NFIA: variants seen among roughly 807,000 people sequenced by gnomAD.
The protein encoded by NFIA is nuclear factor 1 A-type.
Under a neutral mutation model 62.8 loss-of-function variants are expected in NFIA, and 8 were observed. The observed-to-expected ratio is 0.13, with a 90% CI of 0.07 to 0.23. The LOEUF (loss-of-function observed/expected upper bound fraction) is 0.23, where lower values mean the gene tolerates loss of function less well. NFIA is among the 10% of genes least tolerant of loss of function. NFIA has a pLI of 1.00. For synonymous variants in NFIA, 235 were observed against 238.1 expected, an observed-to-expected ratio of 0.99 and a Z score of 0.12; for missense variants, 410 against 642.1, an observed-to-expected ratio of 0.64 and a Z score of 3.91.
At chr1:61,360,233 A>G (rs146212781) in intron 6 of NFIA, among the ~76,000 whole-genome samples, 3 of 152,194 alleles carry the variant, frequency 2.0e-5, no homozygotes, top group African/African-American at 7.2e-5. Flanking sequence ...GATTGCAAAA[A>G]CTATTTGAAA....
At chr1:61,190,983 T>G (rs1239999802) in intron 2 of NFIA, among the ~76,000 whole-genome samples, 1 of 152,086 alleles carries the variant, frequency 6.6e-6, no homozygotes, top group African/African-American at 2.4e-5. Context: ...CAGACATGGG[T>G]TTTGACACCA....
intron 2 of NFIA, among the ~76,000 whole-genome samples, chr1:61,112,040 A>G (rs1033514478): frequency 6.6e-6 from 1 of 152,100 alleles, no homozygotes; most frequent in Non-Finnish European, 1.5e-5. Flanking sequence ...TACACTAATT[A>G]ACATCTCATT....
At chr1:61,315,402 A>G (rs1011360373) in intron 3 of NFIA, among the ~76,000 whole-genome samples, 1 of 152,232 alleles carries the variant, frequency 6.6e-6, no homozygotes, top group Non-Finnish European at 1.5e-5. Flanking sequence ...ATACATGCAT[A>G]AACATGGTAC....
At chr1:61,266,321 T>C (rs1382512317) in intron 2 of NFIA, among the ~76,000 whole-genome samples, 1 of 152,170 alleles carries the variant, frequency 6.6e-6, no homozygotes, top group South Asian at 2.1e-4. Flanking sequence ...AGAGACCCTA[T>C]TGTATTTTAT....
chr1:61,399,642 A>G (rs1418874254), intron 7 of NFIA, among the ~76,000 whole-genome samples: 1 of 152,230 alleles, frequency 6.6e-6, no homozygotes, highest in African/African-American at 2.4e-5. Flanking sequence ...TACTGGAAAT[A>G]CTAAGAGATT....
intron 5 of NFIA, among the ~76,000 whole-genome samples, chr1:61,356,620 AGGAC>A (rs1314249937): frequency 6.6e-6 from 1 of 152,224 alleles, no homozygotes; most frequent in African/African-American, 2.4e-5. Context: ...CGTCTTATAA[AGGAC>A]TCCCATTAGA....
chr1:61,092,525 C>T lies in NFIA; in HGVS notation c.559+3845C>T, dbSNP rs17121584. Among the ~76,000 whole-genome samples, 1,754 of 152,236 alleles carry T rather than the reference C, an allele frequency of 0.012. 103 individuals are homozygous for T. The East Asian group carries it at 0.18, about 16-fold the overall frequency. On this transcript the variant is annotated intron_variant, in intron 2 of 10. Coordinates refer to ENST00000403491, the MANE Select transcript of NFIA (RefSeq NM_001134673.4). Reference sequence around the variant, plus strand: ...CACTGAAGGAGCTGTTTCAGTGTCTCGGAAGCCTGATACCTGTCCTATAAA... The same window carrying T: ...CACTGAAGGAGCTGTTTCAGTGTCTTGGAAGCCTGATACCTGTCCTATAAA...
At chr1:61,157,075 T>A (rs1054334251) in intron 2 of NFIA, among the ~76,000 whole-genome samples, 2 of 152,260 alleles carry the variant, frequency 1.3e-5, no homozygotes, top group Non-Finnish European at 2.9e-5. Flanking sequence ...GTTCTATAGC[T>A]GTGAGCTGTG....
chr1:61,328,216 C>T (rs1192967499), intron 3 of NFIA, among the ~76,000 whole-genome samples: 1 of 151,808 alleles, frequency 6.6e-6, no homozygotes, highest in Non-Finnish European at 1.5e-5. Context: ...GCTCAGAACA[C>T]ATTGGATTTG....
intron 2 of NFIA, among the ~76,000 whole-genome samples, chr1:61,132,043 A>G (rs1557587482): frequency 6.6e-6 from 1 of 152,184 alleles, no homozygotes; most frequent in Non-Finnish European, 1.5e-5. Context: ...GGTAGGTCAA[A>G]ATTTTATACA....
chr1:61,155,464 G>A (rs1430615015), intron 2 of NFIA, among the ~76,000 whole-genome samples: 6 of 151,288 alleles, frequency 4.0e-5, no homozygotes, highest in African/African-American at 1.5e-4. Context: ...ATGAGGTCAG[G>A]AGATCGAGAC....
At chr1:61,447,374 A>T (rs1219894980) in intron 10 of NFIA, among the ~76,000 whole-genome samples, 1 of 152,218 alleles carries the variant, frequency 6.6e-6, no homozygotes, top group Non-Finnish European at 1.5e-5. Flanking sequence ...TAAATCTTTT[A>T]TCTTGCTCTT....
chr1:61,159,680 CTT>C lies in NFIA; in HGVS notation c.559+71018_559+71019del, dbSNP rs11300026. Among the ~76,000 whole-genome samples, 647 of 85,838 alleles carry C rather than the reference CTT, an allele frequency of 7.5e-3. 6 individuals are homozygous for C. Among genetic ancestry groups the C allele is most frequent in the East Asian group, 0.026 (95 of 3,610 alleles). The allele number at this position is 85,838 out of a possible 152,430, so 56.3% of individuals were successfully genotyped here. A position where few individuals can be genotyped will look rare whatever the true frequency, so the allele number is the denominator to read the frequency against. ...AGAATAAAATTAGATAATGTAGATG[CTT>C]TTTTTTTTTTTTTTTTTGAGATGGA... On this transcript the variant is annotated intron_variant, in intron 2 of 10. Transcript: ENST00000403491.
chr1:61,313,445 A>T (rs1660216214), intron 3 of NFIA, among the ~76,000 whole-genome samples: 1 of 152,150 alleles, frequency 6.6e-6, no homozygotes, highest in Admixed American at 6.5e-5. Flanking sequence ...GGTGACACAC[A>T]CTTTACAACC....
chr1:61,282,068 A>G (rs72911916), intron 3 of NFIA, among the ~76,000 whole-genome samples: 2,641 of 152,266 alleles, frequency 0.017, 73 homozygotes, highest in African/African-American at 0.061. Context: ...CCTCAGACAC[A>G]TGGACAGAGA....
intron 10 of NFIA, among the ~76,000 whole-genome samples, chr1:61,432,232 T>G (rs1274909817): frequency 6.6e-6 from 1 of 151,688 alleles, no homozygotes; most frequent in East Asian, 1.9e-4. Flanking sequence ...TTTTTTTTTT[T>G]TTTTGCCAAT....
At chr1:61,148,230 C>T (rs1422469420) in intron 2 of NFIA, among the ~76,000 whole-genome samples, 1 of 152,136 alleles carries the variant, frequency 6.6e-6, no homozygotes, top group Non-Finnish European at 1.5e-5. Context: ...GTGGCAAAGT[C>T]TCTTAAAAAT....
intron 10 of NFIA, among the ~76,000 whole-genome samples, chr1:61,437,589 C>A (rs1667386365): frequency 6.6e-6 from 1 of 152,112 alleles, no homozygotes; most frequent in African/African-American, 2.4e-5. Flanking sequence ...TTATTCAATC[C>A]CTGCCGTACA....
At chr1:61,430,951 C>T (rs776373592) in intron 10 of NFIA, among the ~76,000 whole-genome samples, 2 of 152,144 alleles carry the variant, frequency 1.3e-5, no homozygotes, top group Non-Finnish European at 2.9e-5. Context: ...CCCATCAATA[C>T]TGAGAAACTG....
Sources: allele counts gnomAD v4.1 joint callset (sites outside exome capture counted in the v4.1 genomes callset), GRCh38; gene constraint gnomAD v4.1.1; transcripts MANE v1.5; gene names NCBI Gene and HGNC (gene_info 2026-07-23, HGNC 2026-07-21).